Variants in EXOC4 observed in about 807,000 individuals in gnomAD.
The protein encoded by EXOC4 is exocyst complex component 4.
A neutral mutation model predicts 107.2 loss-of-function variants in EXOC4; 71 were observed. That is an observed-to-expected ratio of 0.66 (90% CI 0.55 to 0.81). EXOC4 has a LOEUF of 0.81. EXOC4 is among the 30% of genes least tolerant of loss of function. EXOC4 has a pLI of 0.00. For synonymous variants in EXOC4, 456 were observed against 441.2 expected (o/e 1.03, Z -0.42); for missense variants, 1,108 against 1,189.6 (o/e 0.93, Z 1.01).
At chr7:133,757,730 G>C (rs779422309) in intron 10 of EXOC4, among the ~76,000 whole-genome samples, 2 of 152,154 alleles carry the variant, frequency 1.3e-5, no homozygotes, top group Admixed American at 1.3e-4. Context: ...TTGGCTCCTC[G>C]TCAGCCCTGA....
At chr7:133,658,512 G>A (rs1803355719) in intron 10 of EXOC4, among the ~76,000 whole-genome samples, 1 of 152,188 alleles carries the variant, frequency 6.6e-6, no homozygotes, top group African/African-American at 2.4e-5. Context: ...TGCCCCAAAA[G>A]TACATGATTG....
intron 10 of EXOC4, among the ~76,000 whole-genome samples, chr7:133,723,854 C>G (rs940117688): frequency 6.6e-6 from 1 of 151,934 alleles, no homozygotes; most frequent in South Asian, 2.1e-4. Context: ...GTCTTGAACT[C>G]CTGGGCTCCA....
At chr7:133,648,596 G>A (rs1023740324) in intron 10 of EXOC4, among the ~76,000 whole-genome samples, 4 of 152,116 alleles carry the variant, frequency 2.6e-5, no homozygotes, top group Non-Finnish European at 4.4e-5. Context: ...GCCATAAAAG[G>A]GGAGGAAGAC....
intron 5 of EXOC4, among the ~76,000 whole-genome samples, chr7:133,352,683 A>G (rs1428091076): frequency 6.6e-6 from 1 of 151,612 alleles, no homozygotes; most frequent in Non-Finnish European, 1.5e-5. Flanking sequence ...ACATTTTGCT[A>G]TTTTTTTCTA....
chr7:133,426,112 CT>C (rs899130294), intron 7 of EXOC4, among the ~76,000 whole-genome samples: 3 of 152,166 alleles, frequency 2.0e-5, no homozygotes, highest in Non-Finnish European at 4.4e-5. Flanking sequence ...GAGTTTGACT[CT>C]TTTTGTCTAC....
At chr7:133,978,805 C>T (rs1039662206) in intron 14 of EXOC4, among the ~76,000 whole-genome samples, 1 of 152,174 alleles carries the variant, frequency 6.6e-6, no homozygotes, top group Non-Finnish European at 1.5e-5. Context: ...GAGAATCCTG[C>T]CTTCCCTTTC....
intron 9 of EXOC4, among the ~76,000 whole-genome samples, chr7:133,608,081 TC>T (rs1359383916): frequency 1.3e-5 from 2 of 152,316 alleles, no homozygotes; most frequent in African/African-American, 4.8e-5. Flanking sequence ...TCAAAGTTGT[TC>T]AGAATTTCAT....
At chr7:133,578,494 T>C (rs553140709) in intron 9 of EXOC4, among the ~76,000 whole-genome samples, 1 of 152,342 alleles carries the variant, frequency 6.6e-6, no homozygotes. Context: ...AGCTTGAATA[T>C]AATAACATGA....
chr7:133,889,621 G>A (rs1799165400), intron 11 of EXOC4, among the ~76,000 whole-genome samples: 1 of 116,378 alleles, frequency 8.6e-6, no homozygotes, highest in East Asian at 2.7e-4. Context: ...CCCTTCCTGT[G>A]TCCATGTGAT....
intron 9 of EXOC4, among the ~76,000 whole-genome samples, chr7:133,617,649 A>T (rs1004791788): frequency 6.6e-6 from 1 of 152,124 alleles, no homozygotes; most frequent in African/African-American, 2.4e-5. Flanking sequence ...CATCATCTAC[A>T]TAAAGCATAT....
At chr7:133,801,431 C>T (rs2542269) in intron 10 of EXOC4, among the ~76,000 whole-genome samples, 127,796 of 152,140 alleles carry the variant, frequency 0.84, 54,156 homozygotes, top group East Asian at 0.99. Flanking sequence ...TCAATATAAA[C>T]GAAAGCCCTT....
intron 9 of EXOC4, among the ~76,000 whole-genome samples, chr7:133,557,119 G>A (rs1004474595): frequency 1.3e-5 from 2 of 152,200 alleles, no homozygotes; most frequent in South Asian, 2.1e-4. Flanking sequence ...TAACTGGAAT[G>A]TTGGACCAAG....
chr7:133,997,283 T>C (rs1016729666), intron 14 of EXOC4, among the ~76,000 whole-genome samples: 6 of 152,188 alleles, frequency 3.9e-5, no homozygotes, highest in Admixed American at 3.9e-4. Flanking sequence ...AACCTAAATA[T>C]TATTATATGA....
chr7:133,482,501 G>C (rs1184866630), intron 9 of EXOC4, among the ~76,000 whole-genome samples: 1 of 152,150 alleles, frequency 6.6e-6, no homozygotes, highest in Admixed American at 6.5e-5. Context: ...GCCGTGGGAA[G>C]GCTTTTCAGT....
intron 10 of EXOC4, among the ~76,000 whole-genome samples, chr7:133,724,650 T>C (rs10274328): frequency 0.89 from 135,812 of 152,228 alleles, 60,797 homozygotes; most frequent in East Asian, 0.99. Flanking sequence ...ATAGATCATT[T>C]GGTGACAAGC....
intron 11 of EXOC4, among the ~76,000 whole-genome samples, chr7:133,840,074 G>T (rs1193456677): frequency 6.6e-6 from 1 of 152,218 alleles, no homozygotes; most frequent in Non-Finnish European, 1.5e-5. Context: ...TAAAGAAGAT[G>T]ATGCTTAAGC....
the EXOC4 span, among the ~76,000 whole-genome samples, chr7:134,094,728 A>G: frequency 6.6e-6 from 1 of 152,282 alleles, no homozygotes; most frequent in African/African-American, 2.4e-5. Context: ...AATTGAAAAC[A>G]AAAACCATAT....
At chr7:134,036,745 T>G (rs1795399903) in intron 17 of EXOC4, among the ~76,000 whole-genome samples, 1 of 152,220 alleles carries the variant, frequency 6.6e-6, no homozygotes, top group African/African-American at 2.4e-5. Flanking sequence ...AGACAGAAGG[T>G]TTCTGTGTCA....
intron 7 of EXOC4, among the ~76,000 whole-genome samples, chr7:133,424,361 C>T (rs1797675953): frequency 6.6e-6 from 1 of 151,738 alleles, no homozygotes; most frequent in African/African-American, 2.4e-5. Flanking sequence ...CCAGACGCGC[C>T]GCCTTTAAGA....
Sources: gnomAD v4.1 joint callset for allele counts (sites outside exome capture counted in the v4.1 genomes callset) on GRCh38, gnomAD v4.1.1 for gene constraint, MANE v1.5 for transcripts, NCBI Gene and HGNC (gene_info 2026-07-23, HGNC 2026-07-21) for gene names.